The following SDK1 variants were observed in gnomAD, a reference collection of about 807,000 sequenced individuals.
The protein encoded by SDK1 is protein sidekick-1.
A neutral mutation model predicts 245.5 loss-of-function variants in SDK1; 157 were observed. The observed-to-expected ratio is 0.64, with a 90% CI of 0.56 to 0.73. The LOEUF is 0.73. SDK1 is among the 30% of genes least tolerant of loss of function. The pLI is 0.00. For missense variants in SDK1, 3,583 were observed against 3,002.3 expected, an observed-to-expected ratio of 1.19 and a Z score of -4.52; for synonymous variants, 1,647 against 1,278.5, an observed-to-expected ratio of 1.29 and a Z score of -6.15.
chr7:3,547,701 A>G (rs1203880052), intron 1 of SDK1, among the ~76,000 whole-genome samples: 2 of 152,194 alleles, frequency 1.3e-5, no homozygotes, highest in Non-Finnish European at 2.9e-5. Context: ...ATGTTGGTTT[A>G]TGTATTTCTT....
chr7:3,390,126 G>C (rs993959614), intron 1 of SDK1, among the ~76,000 whole-genome samples: 3 of 152,100 alleles, frequency 2.0e-5, no homozygotes, highest in African/African-American at 7.2e-5. Context: ...ATTGTTGAAG[G>C]TACTGCTTGG....
rs191004107 is a variant in SDK1, at chr7:4,265,985, G to A, written c.*601G>A. ...AGGAGTCGGCTTTCAGGTTCCTGACGGCCAGGCAGGGATGCTAAGGTGTGG... is the reference window on the plus strand; with the variant it reads ...AGGAGTCGGCTTTCAGGTTCCTGACAGCCAGGCAGGGATGCTAAGGTGTGG... On this transcript the variant is annotated 3_prime_UTR_variant, in exon 45 of 45. Coordinates refer to ENST00000404826, the MANE Select transcript of SDK1 (RefSeq NM_152744.4). The A allele has an allele frequency of 4.1e-6, 4 of 985,534 alleles. No individual in the cohort carries two copies. Among genetic ancestry groups the A allele is most frequent in the African/African-American group, 1.7e-5 (1 of 57,352 alleles). The allele number at this position is 985,534 out of a possible 1,614,324, so 61.0% of individuals were successfully genotyped here. A position where few individuals can be genotyped will look rare whatever the true frequency, so the allele number is the denominator to read the frequency against.
intron 28 of SDK1, among the ~76,000 whole-genome samples, chr7:4,139,435 ATGTGTGTGTATATG>A (rs1299575531): frequency 2.2e-5 from 2 of 88,894 alleles, no homozygotes; most frequent in African/African-American, 3.8e-5. Context: ...GTATGTATAT[ATGTGTGTGTATATG>A]TGTGTGTATA....
At chr7:4,004,050 T>C (rs1253683523) in intron 14 of SDK1, among the ~76,000 whole-genome samples, 2 of 152,218 alleles carry the variant, frequency 1.3e-5, no homozygotes, top group Non-Finnish European at 2.9e-5. Context: ...CCATTTCTCA[T>C]GTGGAAATGA....
chr7:4,181,567 T>G (rs1389403539), intron 35 of SDK1, among the ~76,000 whole-genome samples: 1 of 152,092 alleles, frequency 6.6e-6, no homozygotes, highest in East Asian at 1.9e-4. Flanking sequence ...TCCCAACATG[T>G]GCATCCCTGC....
At chr7:4,017,590 T>C (rs1786515792) in intron 17 of SDK1, among the ~76,000 whole-genome samples, 1 of 152,334 alleles carries the variant, frequency 6.6e-6, no homozygotes, top group East Asian at 1.9e-4. Context: ...AGGAAGTTTC[T>C]GTACACGCCT....
At position 4,051,814 on chromosome 7, in the gene SDK1, C is replaced by G. The variant is rs1583952831; in HGVS notation, c.2895C>G (p.Val965=). 6.2e-6 allele frequency: 10 copies of G among 1,611,814 alleles called. No individual in the cohort carries two copies. Among genetic ancestry groups the G allele is most frequent in the Non-Finnish European group, 8.5e-6 (10 of 1,178,804 alleles). Residue 965 remains valine (V), a synonymous_variant, in exon 19 of 45, where the codon GTC becomes GTG. Transcript: ENST00000404826. ...GDGPPSTPQL[V]WTQEDKPGAV... ...GGCCTCCCAGCACACCTCAGCTGGTCTGGACTCAGGAAGACAGTGAGTATT... is the reference window on the plus strand; with the variant it reads ...GGCCTCCCAGCACACCTCAGCTGGTGTGGACTCAGGAAGACAGTGAGTATT...
At chr7:3,757,914 G>C (rs2114985899) in intron 4 of SDK1, among the ~76,000 whole-genome samples, 1 of 152,160 alleles carries the variant, frequency 6.6e-6, no homozygotes, top group East Asian at 1.9e-4. Flanking sequence ...AGCTATCTAG[G>C]GGCCTGCCAA....
intron 17 of SDK1, among the ~76,000 whole-genome samples, chr7:4,046,435 T>C (rs951590174): frequency 5.3e-5 from 8 of 152,236 alleles, no homozygotes; most frequent in African/African-American, 1.9e-4. Flanking sequence ...TTAATAATTA[T>C]AGGTTTACAT....
intron 4 of SDK1, among the ~76,000 whole-genome samples, chr7:3,746,209 C>A (rs1019150506): frequency 7.9e-5 from 12 of 152,098 alleles, no homozygotes; most frequent in African/African-American, 2.9e-4. Flanking sequence ...ATTAAGTGTG[C>A]AATAGCATTA....
At chr7:4,248,979 T>A (rs1038403298) in intron 44 of SDK1, among the ~76,000 whole-genome samples, 1 of 146,434 alleles carries the variant, frequency 6.8e-6, no homozygotes, top group Admixed American at 6.7e-5. Flanking sequence ...TACACATATG[T>A]ACATACATGC....
At chr7:4,111,549 A>C (rs1783350186) in intron 23 of SDK1, among the ~76,000 whole-genome samples, 1 of 152,018 alleles carries the variant, frequency 6.6e-6, no homozygotes, top group Admixed American at 6.5e-5. Flanking sequence ...ACAATGAGAG[A>C]TGCTATTTAG....
At chr7:3,616,903 G>A (rs1018556257) in intron 1 of SDK1, among the ~76,000 whole-genome samples, 1 of 152,178 alleles carries the variant, frequency 6.6e-6, no homozygotes, top group African/African-American at 2.4e-5. Flanking sequence ...TTAAAGTTGA[G>A]TATGACTTCT....
At chr7:3,784,166 C>A (rs990904555) in intron 4 of SDK1, among the ~76,000 whole-genome samples, 2 of 150,768 alleles carry the variant, frequency 1.3e-5, no homozygotes, top group African/African-American at 4.9e-5. Context: ...AATGACTCAT[C>A]CCTGAGCCTG....
chr7:4,075,788 A>G (rs551855194), intron 20 of SDK1, among the ~76,000 whole-genome samples: 1 of 151,702 alleles, frequency 6.6e-6, no homozygotes, highest in African/African-American at 2.4e-5. Flanking sequence ...CCGAGTAGCT[A>G]GGATTACAGG....
At position 3,566,798 on chromosome 7, in the gene SDK1, C is replaced by T. The variant is rs139573663; in HGVS notation, c.299-52282C>T. ...ACCACACACTTCACAAAACAGTGAA[C>T]GCAAAAGGCTAACCAGCATAGGAAG... On this transcript the variant is annotated intron_variant, in intron 1 of 44. Coordinates refer to ENST00000404826, the MANE Select transcript of SDK1 (RefSeq NM_152744.4). Among the ~76,000 whole-genome samples, 369 of 148,948 alleles carry T rather than the reference C, an allele frequency of 2.5e-3. 2 individuals are homozygous for T. Among genetic ancestry groups the T allele is most frequent in the Admixed American group, 5.5e-3 (82 of 14,986 alleles).
At position 3,894,006 on chromosome 7, in the gene SDK1, C is replaced by G. The variant is rs867489655; in HGVS notation, c.848-56917C>G. Among the ~76,000 whole-genome samples the G allele has an allele frequency of 2.0e-5, 3 of 152,134 alleles. No individual in the cohort carries two copies. In the South Asian group the frequency reaches 6.2e-4, roughly 32 times the overall value. ...AGGCACTGCAGAGATGTATAAGATA[C>G]GAGAATACAGTCACCTAAAGACATG... On this transcript the variant is annotated intron_variant, in intron 5 of 44. Transcript: ENST00000404826.
intron 14 of SDK1, among the ~76,000 whole-genome samples, chr7:4,001,830 G>A (rs1785099939): frequency 6.6e-6 from 1 of 152,140 alleles, no homozygotes; most frequent in Non-Finnish European, 1.5e-5. Flanking sequence ...TTCTTTCTCA[G>A]GCGTCCTCAG....
chr7:3,967,287 C>G, intron 9 of SDK1, 31 bp from the exon 10 acceptor site: 1 of 1,530,944 alleles, frequency 6.5e-7, no homozygotes. Context: ...AGGAACAAGG[C>G]CCTGATCATT....
Sources: gnomAD v4.1 joint callset for allele counts (sites outside exome capture counted in the v4.1 genomes callset) on GRCh38, gnomAD v4.1.1 for gene constraint, MANE v1.5 for transcripts, NCBI Gene and HGNC (gene_info 2026-07-23, HGNC 2026-07-21) for gene names.